Variants in DSCAM observed in about 807,000 individuals in gnomAD.
DSCAM encodes the protein cell adhesion molecule DSCAM.
Under a neutral mutation model 217.7 loss-of-function variants are expected in DSCAM, and 47 were observed. The observed-to-expected ratio is 0.22, with a 90% confidence interval of 0.17 to 0.28. The LOEUF is 0.28. Among genes scored for constraint, DSCAM ranks in the 10% least tolerant of loss-of-function variants. The pLI is 1.00. For missense variants in DSCAM, 2,080 were observed against 2,618.3 expected (o/e 0.79, Z 4.49); for synonymous variants, 1,056 against 1,015.3 (o/e 1.04, Z -0.76).
chr21:40,677,390 G>A (rs183341075), intron 3 of DSCAM, among the ~76,000 whole-genome samples: 32 of 151,956 alleles, frequency 2.1e-4, no homozygotes, highest in Middle Eastern at 3.4e-3. Context: ...TCTGGGTAAG[G>A]ACAAGTGGGA....
chr21:40,331,129 C>T (rs774780458), intron 8 of DSCAM, among the ~76,000 whole-genome samples: 1 of 152,078 alleles, frequency 6.6e-6, no homozygotes, highest in Non-Finnish European at 1.5e-5. Flanking sequence ...GCAAGTAACT[C>T]CAGTATCTAG....
chr21:40,219,351 G>C (rs917236825), intron 11 of DSCAM, among the ~76,000 whole-genome samples: 1 of 152,054 alleles, frequency 6.6e-6, no homozygotes, highest in African/African-American at 2.4e-5. Context: ...GTCAAATCCT[G>C]CTTTTTAAAA....
intron 3 of DSCAM, among the ~76,000 whole-genome samples, chr21:40,588,152 C>T (rs1181789922): frequency 7.2e-5 from 11 of 152,122 alleles, no homozygotes; most frequent in Admixed American, 6.5e-4. Context: ...CAGACCTTGG[C>T]GGGCCCCTCA....
intron 3 of DSCAM, among the ~76,000 whole-genome samples, chr21:40,602,053 C>CTTTTTTT (rs761687929): frequency 2.8e-3 from 248 of 89,448 alleles, no homozygotes; most frequent in Middle Eastern, 0.022. Context: ...TCTGCTTCTA[C>CTTTTTTT]TTTTTTTTTT....
intron 3 of DSCAM, among the ~76,000 whole-genome samples, chr21:40,435,097 G>A (rs537029945): frequency 6.6e-6 from 1 of 152,290 alleles, no homozygotes; most frequent in African/African-American, 2.4e-5. Context: ...TCTCTCCTTA[G>A]GCAGGAGGTG....
rs1259295742 is a variant in DSCAM, at chr21:40,809,121, C to G, written c.43+37498G>C. Among the ~76,000 whole-genome samples the G allele has an allele frequency of 2.6e-5, 4 of 152,078 alleles. No individual in the cohort carries two copies. The East Asian group carries it at 7.8e-4, about 30-fold the overall frequency. ...ATCCAATGAGATGAGACCAGAGCATCCACCTAGCTCTGGCCTGTTGGGATT... is the reference window on the plus strand; with the variant it reads ...ATCCAATGAGATGAGACCAGAGCATGCACCTAGCTCTGGCCTGTTGGGATT... On this transcript the variant is annotated intron_variant, in intron 1 of 32. Transcript: ENST00000400454.
chr21:40,278,497 C>T (rs1465185028), intron 10 of DSCAM, among the ~76,000 whole-genome samples: 1 of 152,036 alleles, frequency 6.6e-6, no homozygotes, highest in African/African-American at 2.4e-5. Flanking sequence ...CTCTCGGAGA[C>T]CAGGGTGGGG....
chr21:40,672,766 T>C (rs2090292136), intron 3 of DSCAM, among the ~76,000 whole-genome samples: 1 of 152,202 alleles, frequency 6.6e-6, no homozygotes, highest in Non-Finnish European at 1.5e-5. Flanking sequence ...ATTCCTTACC[T>C]GAATCATCCT....
intron 19 of DSCAM, among the ~76,000 whole-genome samples, chr21:40,127,811 G>A (rs1298036351): frequency 1.3e-5 from 2 of 152,152 alleles, no homozygotes; most frequent in African/African-American, 4.8e-5. Context: ...ACATGGACAG[G>A]ACAGGTCAGC....
rs534645285 is a variant in DSCAM at position 40,275,057 on chromosome 21, G to A, written c.2356+1040C>T. Among the ~76,000 whole-genome samples the A allele has an allele frequency of 4.6e-5, 7 of 152,180 alleles. No homozygotes were observed. The South Asian group carries it at 1.5e-3, about 32-fold the overall frequency. Reference sequence around the variant, plus strand: ...GGAAATCCAAGGGCCAGGCATAGTGGCTTATGCCTGTAATCCCAGTGCTTT... The same window carrying A: ...GGAAATCCAAGGGCCAGGCATAGTGACTTATGCCTGTAATCCCAGTGCTTT... On this transcript the variant is annotated intron_variant, in intron 11 of 32. Transcript: ENST00000400454.
intron 3 of DSCAM, among the ~76,000 whole-genome samples, chr21:40,633,251 A>G (rs532030524): frequency 2.6e-5 from 4 of 152,240 alleles, no homozygotes; most frequent in African/African-American, 4.8e-5. Context: ...GACTTTTTCT[A>G]TTGCATCTGG....
At chr21:40,111,629 TAA>T (rs1216395767) in intron 20 of DSCAM, among the ~76,000 whole-genome samples, 1 of 152,052 alleles carries the variant, frequency 6.6e-6, no homozygotes, top group African/African-American at 2.4e-5. Context: ...GCAAATTGGA[TAA>T]AGAGTCAAGA....
chr21:40,489,531 T>G (rs2146007316), intron 3 of DSCAM, among the ~76,000 whole-genome samples: 1 of 152,038 alleles, frequency 6.6e-6, no homozygotes, highest in African/African-American at 2.4e-5. Context: ...TCCCAGCACT[T>G]TGGGAGGCCG....
At chr21:40,357,972 TG>T (rs1419096478) in intron 4 of DSCAM, among the ~76,000 whole-genome samples, 1 of 152,124 alleles carries the variant, frequency 6.6e-6, no homozygotes, top group Non-Finnish European at 1.5e-5. Context: ...GAAAGTACTA[TG>T]AAAAAATAGC....
intron 9 of DSCAM, among the ~76,000 whole-genome samples, chr21:40,311,803 G>A (rs1166622240): frequency 2.6e-5 from 4 of 151,996 alleles, no homozygotes; most frequent in Non-Finnish European, 4.4e-5. Flanking sequence ...CTTAGCATAC[G>A]GAAGCCTTAT....
chr21:40,611,545 C>G (rs991269317), intron 3 of DSCAM, among the ~76,000 whole-genome samples: 2 of 152,188 alleles, frequency 1.3e-5, no homozygotes, highest in African/African-American at 4.8e-5. Context: ...CTGCCCAACA[C>G]TGTGTGTGGC....
At position 40,348,934 on chromosome 21, in the gene DSCAM, GATGGAGACC is replaced by G. The variant is rs376496331; in HGVS notation, c.935-998_935-990del. 3.2e-4 allele frequency among the ~76,000 whole-genome samples: 48 copies of G among 151,886 alleles called. No homozygotes were observed. In the East Asian group the frequency reaches 9.1e-3, roughly 29 times the overall value. Reference sequence around the variant, plus strand: ...AAGTGGGAGGATCACGAGGTCAGGAGATGGAGACCATCCTGGCTAACACAGTGAAACCCC... The same window carrying G: ...AAGTGGGAGGATCACGAGGTCAGGAGATCCTGGCTAACACAGTGAAACCCC... On this transcript the variant is annotated intron_variant, in intron 5 of 32. Transcript: ENST00000400454.
At chr21:40,279,383 A>G (rs2073729806) in intron 10 of DSCAM, among the ~76,000 whole-genome samples, 1 of 152,234 alleles carries the variant, frequency 6.6e-6, no homozygotes, top group African/African-American at 2.4e-5. Flanking sequence ...AAAGCTCATC[A>G]TCACTTGTCA....
At chr21:40,626,900 TAAAACTTG>T (rs1555873585) in intron 3 of DSCAM, among the ~76,000 whole-genome samples, 12 of 152,242 alleles carry the variant, frequency 7.9e-5, no homozygotes, top group Non-Finnish European at 1.8e-4. Context: ...GCGAATGCTA[TAAAACTTG>T]AAAACTTGAT....
Sources: allele counts gnomAD v4.1 joint callset (sites outside exome capture counted in the v4.1 genomes callset), GRCh38; gene constraint gnomAD v4.1.1; transcripts MANE v1.5; gene names NCBI Gene and HGNC (gene_info 2026-07-23, HGNC 2026-07-21).